Variants in KLC1 observed in about 807,000 individuals in gnomAD.
The protein encoded by KLC1 is kinesin light chain 1, also known as kinesin 2 60/70kDa.
A neutral mutation model predicts 84.2 loss-of-function variants in KLC1; 30 were observed. The ratio of observed to expected loss-of-function variants is 0.36; its 90% CI spans 0.27 to 0.48. The LOEUF is 0.48. Among genes scored for constraint, KLC1 ranks in the 20% least tolerant of loss-of-function variants. The pLI is 0.99. For missense variants in KLC1, 499 were observed against 805.4 expected (o/e 0.62, Z 4.60); for synonymous variants, 289 against 293.3 (o/e 0.99, Z 0.15).
intron 6 of KLC1, 42 bp downstream of exon 6, chr14:103,669,640 T>C (rs1284507529): frequency 1.6e-6 from 2 of 1,281,308 alleles, no homozygotes; most frequent in African/African-American, 2.9e-5. Context: ...TATTTTATTT[T>C]CCCCATATAT....
At position 103,699,299 on chromosome 14, in the gene KLC1, G is replaced by T. The variant is rs1412191892; in HGVS notation, c.1849-1356G>T. 4.5e-6 allele frequency: 7 copies of T among 1,546,930 alleles called. No individual in the cohort carries two copies. The African/African-American group carries it at 8.2e-5, about 18-fold the overall frequency. On this transcript the variant is annotated intron_variant, in intron 15 of 16. Transcript: ENST00000334553. ...CTGCCACCCGCCCCACCTCCAGACC[G>T]GCTCTGCTTCCGCATCCTGGCTAAA...
At chr14:103,671,928 A>T (rs2080419325) in intron 7 of KLC1, among the ~76,000 whole-genome samples, 1 of 152,188 alleles carries the variant, frequency 6.6e-6, no homozygotes, top group Non-Finnish European at 1.5e-5. Flanking sequence ...ACCATATAAG[A>T]TGACCTGCCA....
chr14:103,658,377 C>T (rs1015676418), intron 3 of KLC1, among the ~76,000 whole-genome samples: 1 of 151,482 alleles, frequency 6.6e-6, no homozygotes, highest in Non-Finnish European at 1.5e-5. Flanking sequence ...TCTCCTGCCT[C>T]AGCCTCTGGA....
At chr14:103,695,520 C>G (rs2082395593) in intron 15 of KLC1, 1 of 985,200 alleles carries the variant, frequency 1.0e-6, no homozygotes, top group African/African-American at 1.7e-5. Context: ...TCCGGAGCTT[C>G]CCTTGTGGTG....
chr14:103,695,465 C>T (rs1476137267), intron 15 of KLC1: 4 of 985,136 alleles, frequency 4.1e-6, no homozygotes, highest in Non-Finnish European at 4.8e-6. Flanking sequence ...CCGTGGCTGC[C>T]CCCGTAGTGG....
chr14:103,656,582 C>T (rs1404595307), intron 2 of KLC1, among the ~76,000 whole-genome samples: 1 of 152,176 alleles, frequency 6.6e-6, no homozygotes, highest in Non-Finnish European at 1.5e-5. Context: ...AGTGACTGCC[C>T]ACACCCTGAT....
At position 103,684,941 on chromosome 14, in the gene KLC1, C is replaced by T. The variant is rs376933291; in HGVS notation, c.1651-2140C>T. On this transcript the variant is annotated intron_variant, in intron 13 of 16. Transcript: ENST00000334553. ...AACTTATGTTTTCTTGTCCTCCCCA[C>T]ATTTTTGAGGTGTTGGTAACAAGTG... 1.1e-4 allele frequency: 90 copies of T among 787,240 alleles called. No individual in the cohort carries two copies. The highest frequency in any genetic ancestry group is 1.8e-4 in the Non-Finnish European group (80 of 448,666). 48.8% of individuals were successfully genotyped at this position (787,240 alleles called of 1,614,324 possible).
At chr14:103,658,070 C>T (rs1006420001) in intron 3 of KLC1, among the ~76,000 whole-genome samples, 6 of 152,172 alleles carry the variant, frequency 3.9e-5, no homozygotes, top group Non-Finnish European at 7.3e-5. Context: ...TCCAATCTGG[C>T]CGTCTGAATT....
intron 1 of KLC1, among the ~76,000 whole-genome samples, chr14:103,640,059 ATTCT>A (rs1192778171): frequency 2.6e-5 from 4 of 151,480 alleles, no homozygotes; most frequent in African/African-American, 7.3e-5. Context: ...CAGGCTGTGA[ATTCT>A]TTCTTTTATT....
intron 9 of KLC1, among the ~76,000 whole-genome samples, chr14:103,674,857 G>A (rs537000304): frequency 3.3e-4 from 50 of 152,256 alleles, no homozygotes; most frequent in African/African-American, 1.0e-3. Flanking sequence ...TTACATTCCA[G>A]GGCCCTAGCA....
Position 103,694,844 on chromosome 14 carries a change from G to C in KLC1, c.1848+2419G>C. On this transcript the variant is annotated intron_variant, in intron 15 of 16. Transcript: ENST00000334553. This position sits in a 1 kb window ranked among gnomAD's most constrained non-coding sequence, Gnocchi z 4.5. ...GTCCTGAGGTTTTGTTACAAGGCTA[G>C]ACTTTAAAATACCTTTCAAAGTTTC... The C allele has an allele frequency of 1.0e-6, 1 of 985,504 alleles. No homozygotes were observed. The highest frequency in any genetic ancestry group is 1.2e-6 in the Non-Finnish European group (1 of 829,952). The allele number at this position is 985,504 out of a possible 1,614,324, so 61.0% of individuals were successfully genotyped here.
chr14:103,641,367 T>C (rs970143939), intron 1 of KLC1, among the ~76,000 whole-genome samples: 5 of 147,576 alleles, frequency 3.4e-5, no homozygotes, highest in Non-Finnish European at 4.6e-5. Context: ...TCTTAGACTT[T>C]CCTTGCATTA....
chr14:103,699,235 G>C, intron 15 of KLC1: 1 of 1,541,910 alleles, frequency 6.5e-7, no homozygotes, highest in Non-Finnish European at 8.7e-7. Context: ...TCGATGGTTA[G>C]GCACAGGCTG....
In KLC1 at chr14:103,660,446, A is replaced by C. The variant is rs1440452746; in HGVS notation, c.493-1670A>C. Reference sequence around the variant, plus strand: ...CAGTGAGCCAAGATCATGCCACCGCACTCCAGTCTAGATGACAGAGTAAAG... The same window carrying C: ...CAGTGAGCCAAGATCATGCCACCGCCCTCCAGTCTAGATGACAGAGTAAAG... On this transcript the variant is annotated intron_variant, in intron 3 of 16. Coordinates refer to ENST00000334553, the MANE Select transcript of KLC1 (RefSeq NM_001394837.1). Among the ~76,000 whole-genome samples, 4 of 148,678 alleles carry C rather than the reference A, an allele frequency of 2.7e-5. No individual in the cohort carries two copies. In the Admixed American group the frequency reaches 2.7e-4, roughly 10 times the overall value.
chr14:103,629,527 C>T (rs2076499828), intron 1 of KLC1, 33 bp downstream of exon 1: 1 of 152,594 alleles, frequency 6.6e-6, no homozygotes, highest in Non-Finnish European at 1.5e-5. Context: ...GGACCGCGGC[C>T]CCCTCCTCAT....
chr14:103,674,798 A>G (rs900812135), intron 9 of KLC1, among the ~76,000 whole-genome samples: 2 of 152,256 alleles, frequency 1.3e-5, no homozygotes, highest in South Asian at 4.1e-4. Flanking sequence ...TTTAGTGCTC[A>G]CATTCTGAAT....
rs552861680 is a variant in KLC1, at chr14:103,694,093, CTGGTCAGTGGGAAG to C, written c.1848+1671_1848+1684del. Reference sequence around the variant, plus strand: ...AGTAAAGCCTGAAGCTTAGCGGACACTGGTCAGTGGGAAGTGAATTCCTTCCCAGCTGGAGCATC... The same window carrying C: ...AGTAAAGCCTGAAGCTTAGCGGACACTGAATTCCTTCCCAGCTGGAGCATC... On this transcript the variant is annotated intron_variant, in intron 15 of 16. Transcript: ENST00000334553. The surrounding 1 kb of genome is among the most constrained non-coding windows in gnomAD (Gnocchi z 4.5). 1.4e-4 allele frequency: 141 copies of C among 985,488 alleles called. No individual in the cohort carries two copies. The African/African-American group carries it at 2.4e-3, about 16-fold the overall frequency. 61.0% of individuals were successfully genotyped at this position (985,488 alleles called of 1,614,324 possible). A position where few individuals can be genotyped will look rare whatever the true frequency, so the allele number is the denominator to read the frequency against.
chr14:103,695,809 CA>C, intron 15 of KLC1: 2 of 985,366 alleles, frequency 2.0e-6, no homozygotes, highest in Non-Finnish European at 2.4e-6. Flanking sequence ...TAAGAGAAGC[CA>C]GGGGGCCTCC....
In KLC1 at chr14:103,684,944, T is replaced by A. The variant is rs1244728630; in HGVS notation, c.1651-2137T>A. ...TTATGTTTTCTTGTCCTCCCCACAT[T>A]TTTGAGGTGTTGGTAACAAGTGTTA... is the stretch of plus-strand genomic sequence containing the variant. On this transcript the variant is annotated intron_variant, in intron 13 of 16. Coordinates refer to ENST00000334553, the MANE Select transcript of KLC1 (RefSeq NM_001394837.1). 7 of 793,420 alleles carry A rather than the reference T, an allele frequency of 8.8e-6. No homozygotes were observed. In the Admixed American group the frequency reaches 1.4e-4, roughly 16 times the overall value. 49.1% of individuals were successfully genotyped at this position (793,420 alleles called of 1,614,324 possible).
Sources: allele counts gnomAD v4.1 joint callset (sites outside exome capture counted in the v4.1 genomes callset), GRCh38; gene constraint gnomAD v4.1.1; non-coding constraint Gnocchi (gnomAD v3.1); transcripts MANE v1.5; gene names NCBI Gene and HGNC (gene_info 2026-07-23, HGNC 2026-07-21).